The following XRCC5 variants were observed in gnomAD, a reference collection of about 807,000 sequenced individuals.
XRCC5 encodes the protein X-ray repair cross complementing 5.
Under a neutral mutation model 95.7 loss-of-function variants are expected in XRCC5, and 12 were observed. The ratio of observed to expected loss-of-function variants is 0.13; its 90% CI spans 0.08 to 0.20. XRCC5 has a LOEUF of 0.20. Among genes scored for constraint, XRCC5 ranks in the 10% least tolerant of loss-of-function variants. XRCC5 has a pLI of 1.00. For synonymous variants in XRCC5, 281 were observed against 290.3 expected (o/e 0.97, Z 0.33); for missense variants, 595 against 873.9 (o/e 0.68, Z 4.02).
intron 16 of XRCC5, among the ~76,000 whole-genome samples, chr2:216,184,074 G>GTGTC: frequency 7.5e-6 from 1 of 133,478 alleles, no homozygotes; most frequent in South Asian, 2.3e-4. Context: ...GTGTGTGTGT[G>GTGTC]ATTTAGAGAA....
chr2:216,125,755 A>C lies in XRCC5; in HGVS notation c.684-162A>C, dbSNP rs1251452787. 2.0e-5 allele frequency among the ~76,000 whole-genome samples: 3 copies of C among 152,202 alleles called. No homozygotes were observed. In the South Asian group the frequency reaches 6.2e-4, roughly 31 times the overall value. On this transcript the variant is annotated intron_variant, in intron 6 of 20. Coordinates refer to ENST00000392132, the MANE Select transcript of XRCC5 (RefSeq NM_021141.4). ...AAGCCAACTCACTCTTGCCCTGGCTATATCTCCCAACTTGTGGTTGTTGTT... is the reference window on the plus strand; with the variant it reads ...AAGCCAACTCACTCTTGCCCTGGCTCTATCTCCCAACTTGTGGTTGTTGTT...
intron 4 of XRCC5, among the ~76,000 whole-genome samples, chr2:216,118,836 A>G (rs1283645336): frequency 6.6e-6 from 1 of 152,204 alleles, no homozygotes; most frequent in African/African-American, 2.4e-5. Flanking sequence ...TAATACCCAG[A>G]CATTTTGGCC....
intron 16 of XRCC5, among the ~76,000 whole-genome samples, chr2:216,176,596 A>G (rs1689283109): frequency 6.6e-6 from 1 of 152,082 alleles, no homozygotes; most frequent in East Asian, 1.9e-4. Context: ...GGGATTTTGT[A>G]TCTTCCCTTT....
intron 1 of XRCC5, among the ~76,000 whole-genome samples, chr2:216,112,569 G>A (rs979187117): frequency 1.6e-4 from 24 of 152,196 alleles, no homozygotes; most frequent in African/African-American, 5.8e-4. Flanking sequence ...CACTTCTTGT[G>A]ACAAAAATGC....
At chr2:216,112,589 A>C (rs1369927566) in intron 1 of XRCC5, among the ~76,000 whole-genome samples, 2 of 152,250 alleles carry the variant, frequency 1.3e-5, no homozygotes, top group African/African-American at 4.8e-5. Flanking sequence ...CTTCATAACA[A>C]ATTATGCCCC....
In XRCC5 at chr2:216,204,329, C is replaced by T. The variant is rs532266155; in HGVS notation, c.2117C>T (p.Ala706Val). The T allele has an allele frequency of 6.2e-7, 1 of 1,613,816 alleles. No individual in the cohort carries two copies. The highest frequency in any genetic ancestry group is 1.1e-5 in the South Asian group (1 of 91,066). The change falls in exon 20 of 21, where the codon GCC (alanine) becomes GTC (valine). Residue 706 changes from alanine to valine, a missense_variant. Transcript: ENST00000392132. ...VTAEEAKKFL[A>V]PKDKPSGDTA... ...CTGACTTTCTATTTACAGTTTCTGG[C>T]CCCCAAAGACAAACCAAGTGGAGAC...
chr2:216,165,263 T>C (rs910771989), intron 16 of XRCC5, among the ~76,000 whole-genome samples: 4 of 152,194 alleles, frequency 2.6e-5, no homozygotes, highest in African/African-American at 9.7e-5. Context: ...GATAGGACTT[T>C]TGATGAATAG....
intron 14 of XRCC5, among the ~76,000 whole-genome samples, chr2:216,152,456 A>G (rs1196742673): frequency 2.6e-5 from 4 of 151,878 alleles, no homozygotes; most frequent in Admixed American, 2.0e-4. Context: ...AAAGAGAGAA[A>G]AAAATTTGGG....
intron 14 of XRCC5, chr2:216,156,712 C>T (rs998873422): frequency 9.3e-6 from 5 of 538,468 alleles, no homozygotes; most frequent in African/African-American, 7.7e-5. Flanking sequence ...TACTACACAG[C>T]TGCACAAGAT....
At chr2:216,115,065 G>A (rs534959791) in intron 2 of XRCC5, among the ~76,000 whole-genome samples, 1 of 152,254 alleles carries the variant, frequency 6.6e-6, no homozygotes, top group Non-Finnish European at 1.5e-5. Flanking sequence ...TTTTCACGTG[G>A]CCCTCTTGGT....
chr2:216,160,917 C>A (rs1400098873), intron 15 of XRCC5, among the ~76,000 whole-genome samples: 1 of 152,008 alleles, frequency 6.6e-6, no homozygotes, highest in Non-Finnish European at 1.5e-5. Context: ...CAGTATGTTA[C>A]TCCTGGGCTC....
intron 16 of XRCC5, among the ~76,000 whole-genome samples, chr2:216,187,466 CTGTGTGTGTGTGTGTGTGTGTG>C (rs140171958): frequency 0.011 from 1,182 of 111,374 alleles, 15 homozygotes; most frequent in African/African-American, 0.035. Context: ...AAGATAGCAA[CTGTGTGTGTGTGTGTGTGTGTG>C]TGTGTGTGTG....
rs186510911 is a variant in XRCC5, at chr2:216,116,314, A to G, written c.136-345A>G. Among the ~76,000 whole-genome samples the G allele has an allele frequency of 1.2e-3, 178 of 152,142 alleles. 2 individuals carry two copies. The highest frequency in any genetic ancestry group is 3.4e-3 in the Middle Eastern group (1 of 292). On this transcript the variant is annotated intron_variant, in intron 2 of 20. Transcript: ENST00000392132. ...GGAAAATTTAAACCTTAGACATTCC[A>G]TAAAGACATACTAAAATCTTTTCAC... is the stretch of plus-strand genomic sequence containing the variant.
chr2:216,185,596 T>C (rs147800357), intron 16 of XRCC5, among the ~76,000 whole-genome samples: 1 of 152,356 alleles, frequency 6.6e-6, no homozygotes, highest in East Asian at 1.9e-4. Context: ...ATTTAAGTGC[T>C]TGATTTTTAT....
chr2:216,171,764 A>G (rs767269832), intron 16 of XRCC5, among the ~76,000 whole-genome samples: 9 of 152,210 alleles, frequency 5.9e-5, no homozygotes, highest in Non-Finnish European at 1.2e-4. Context: ...CTAAGTTTTC[A>G]TACTTATTCT....
At chr2:216,165,148 A>AT (rs1211246551) in intron 16 of XRCC5, among the ~76,000 whole-genome samples, 1 of 152,158 alleles carries the variant, frequency 6.6e-6, no homozygotes, top group Non-Finnish European at 1.5e-5. Context: ...CAAATACTGG[A>AT]TTTTTTACGT....
At chr2:216,162,610 T>A (rs1053228573) in intron 16 of XRCC5, among the ~76,000 whole-genome samples, 1 of 152,092 alleles carries the variant, frequency 6.6e-6, no homozygotes, top group African/African-American at 2.4e-5. Context: ...CAGGCTGGTC[T>A]TGAACTCCTG....
intron 19 of XRCC5, among the ~76,000 whole-genome samples, chr2:216,198,377 T>C (rs1022839918): frequency 9.8e-5 from 15 of 152,302 alleles, no homozygotes; most frequent in Admixed American, 1.3e-4. Flanking sequence ...CGCTGTGTTA[T>C]ATCTGTCAGT....
At position 216,205,859 on chromosome 2, in the gene XRCC5, A is replaced by G. The variant is rs1348909157; in HGVS notation, c.*657A>G. The G allele has an allele frequency of 1.3e-5, 2 of 152,242 alleles. No homozygotes were observed. The highest frequency in any genetic ancestry group is 2.9e-5 in the Non-Finnish European group (2 of 68,068). The allele number at this position is 152,242 out of a possible 1,614,324, so 9.4% of individuals were successfully genotyped here. ...TCATACTCCTTTTAAGCAGTGAGTTATGGTGGTGGTCTCATGAAGAAAAGA... is the reference window on the plus strand; with the variant it reads ...TCATACTCCTTTTAAGCAGTGAGTTGTGGTGGTGGTCTCATGAAGAAAAGA... On this transcript the variant is annotated 3_prime_UTR_variant, in exon 21 of 21. Coordinates refer to ENST00000392132, the MANE Select transcript of XRCC5 (RefSeq NM_021141.4).
Sources: gnomAD v4.1 joint callset for allele counts (sites outside exome capture counted in the v4.1 genomes callset) on GRCh38, gnomAD v4.1.1 for gene constraint, MANE v1.5 for transcripts, NCBI Gene and HGNC (gene_info 2026-07-23, HGNC 2026-07-21) for gene names.